The following DHRSX variants were observed in gnomAD, a reference collection of about 807,000 sequenced individuals.
DHRSX encodes polyprenol dehydrogenase.
DHRSX carries 31 observed loss-of-function variants against 34.0 expected under a neutral mutation model. The ratio of observed to expected loss-of-function variants is 0.91; its 90% CI spans 0.69 to 1.23. The LOEUF (loss-of-function observed/expected upper bound fraction) is 1.23. Ranked by LOEUF, DHRSX falls within the 50% of genes most tolerant of loss-of-function variation. DHRSX has a pLI of 0.00. For missense variants in DHRSX, 414 were observed against 428.1 expected (o/e 0.97, Z 0.29); for synonymous variants, 201 against 183.8 (o/e 1.09, Z -0.76).
intron 2 of DHRSX, among the ~76,000 whole-genome samples, chrX:2,423,472 A>G (rs2043806692): frequency 6.6e-6 from 1 of 152,090 alleles, no homozygotes; most frequent in Non-Finnish European, 1.5e-5. Context: ...CACGCCTGTC[A>G]TATCAGCGAC....
At chrX:2,299,063 A>C (rs1225085973) in intron 3 of DHRSX, among the ~76,000 whole-genome samples, 1 of 151,808 alleles carries the variant, frequency 6.6e-6, no homozygotes, top group Non-Finnish European at 1.5e-5. Flanking sequence ...CGACAAATCC[A>C]GCTGCCTTTT....
At chrX:2,352,544 T>A (rs1168011272) in intron 3 of DHRSX, among the ~76,000 whole-genome samples, 3 of 152,150 alleles carry the variant, frequency 2.0e-5, no homozygotes, top group Non-Finnish European at 4.4e-5. Flanking sequence ...GTGAAGTTCT[T>A]CAGACATGCA....
chrX:2,357,701 A>G (rs893809019), intron 3 of DHRSX, among the ~76,000 whole-genome samples: 2 of 61,858 alleles, frequency 3.2e-5, no homozygotes, highest in South Asian at 8.1e-4. Flanking sequence ...TCAGGAAATT[A>G]AAAAAAAAAA....
In DHRSX at chrX:2,383,804, C is replaced by G. The variant is rs756230423; in HGVS notation, c.286+24941G>C. Among the ~76,000 whole-genome samples the G allele has an allele frequency of 2.0e-5, 3 of 152,318 alleles. No individual in the cohort carries two copies. The East Asian group carries it at 5.8e-4, about 29-fold the overall frequency. ...ACCTGGCTTCAGGACAACTGCTTTA[C>G]AGCATGCTATAAAAGCTGAGAAGAC... is the stretch of plus-strand genomic sequence containing the variant. On this transcript the variant is annotated intron_variant, in intron 3 of 6. Coordinates refer to ENST00000334651, the MANE Select transcript of DHRSX (RefSeq NM_145177.3).
intron 1 of DHRSX, among the ~76,000 whole-genome samples, chrX:2,447,019 G>A (rs2044147270): frequency 6.6e-6 from 1 of 151,124 alleles, no homozygotes. Context: ...TAGGCATGAG[G>A]CCAAGGGACC....
At position 2,402,708 on chromosome X, in the gene DHRSX, A is replaced by T. The variant is rs1161154238; in HGVS notation, c.286+6037T>A. ...TCAGATTTTAAACTTTTTTCTTTTAAAAAAAAAAATTGCATGCACACATAG... is the reference window on the plus strand; with the variant it reads ...TCAGATTTTAAACTTTTTTCTTTTATAAAAAAAAATTGCATGCACACATAG... On this transcript the variant is annotated intron_variant, in intron 3 of 6. Coordinates refer to ENST00000334651, the MANE Select transcript of DHRSX (RefSeq NM_145177.3). Among the ~76,000 whole-genome samples the T allele has an allele frequency of 2.4e-4, 19 of 78,010 alleles. No individual in the cohort carries two copies. The South Asian group carries it at 8.4e-3, about 35-fold the overall frequency. 51.2% of individuals were successfully genotyped at this position (78,010 alleles called of 152,430 possible).
chrX:2,497,584 C>T (rs1029083816), intron 1 of DHRSX, among the ~76,000 whole-genome samples: 2 of 152,068 alleles, frequency 1.3e-5, no homozygotes, highest in African/African-American at 4.8e-5. Context: ...TTTGTAAATA[C>T]TCACTCCTGT....
intron 4 of DHRSX, among the ~76,000 whole-genome samples, chrX:2,284,245 T>A (rs2041775502): frequency 6.6e-6 from 1 of 152,238 alleles, no homozygotes; most frequent in African/African-American, 2.4e-5. Context: ...TGTTCATTCA[T>A]TAGAATTCAT....
chrX:2,356,970 G>C (rs1348315579), intron 3 of DHRSX, among the ~76,000 whole-genome samples: 2 of 152,108 alleles, frequency 1.3e-5, no homozygotes, highest in African/African-American at 4.8e-5. Flanking sequence ...TGGGCCAGGC[G>C]TAGGGGCTCA....
chrX:2,318,521 T>A (rs190010861), intron 3 of DHRSX, among the ~76,000 whole-genome samples: 15 of 148,544 alleles, frequency 1.0e-4, no homozygotes, highest in African/African-American at 3.6e-4. Context: ...TGACCTCTGG[T>A]CTTCCTCACT....
chrX:2,320,460 A>T (rs1009850365), intron 3 of DHRSX, among the ~76,000 whole-genome samples: 7 of 145,080 alleles, frequency 4.8e-5, no homozygotes, highest in African/African-American at 1.8e-4. Context: ...ACACCTGGCT[A>T]ACTTTTTGTA....
chrX:2,349,274 G>A (rs1386932791), intron 3 of DHRSX, among the ~76,000 whole-genome samples: 2 of 152,032 alleles, frequency 1.3e-5, no homozygotes, highest in African/African-American at 4.8e-5. Flanking sequence ...AATGGATGAA[G>A]AAAATGCGGT....
chrX:2,259,413 G>GAT, intron 5 of DHRSX, among the ~76,000 whole-genome samples: 1 of 145,790 alleles, frequency 6.9e-6, no homozygotes, highest in Non-Finnish European at 1.5e-5. Flanking sequence ...TATAGATATA[G>GAT]ATATATACAA....
intron 1 of DHRSX, among the ~76,000 whole-genome samples, chrX:2,485,523 G>A (rs919414742): frequency 4.2e-5 from 6 of 142,306 alleles, no homozygotes; most frequent in Non-Finnish European, 9.2e-5. Context: ...GAAAACGAAA[G>A]AGGAAGGGAG....
chrX:2,244,896 G>A (rs1381625487), intron 5 of DHRSX, among the ~76,000 whole-genome samples: 2 of 151,770 alleles, frequency 1.3e-5, no homozygotes, highest in Non-Finnish European at 2.9e-5. Flanking sequence ...ATTTTTAGTA[G>A]AGACGAGGTT....
chrX:2,330,383 G>A (rs2042450640), intron 3 of DHRSX, among the ~76,000 whole-genome samples: 1 of 151,486 alleles, frequency 6.6e-6, no homozygotes, highest in Admixed American at 6.6e-5. Context: ...TAGCTGGGCA[G>A]GGTGGTGCAT....
At chrX:2,414,390 A>T (rs2043668580) in intron 2 of DHRSX, among the ~76,000 whole-genome samples, 1 of 151,626 alleles carries the variant, frequency 6.6e-6, no homozygotes, top group Non-Finnish European at 1.5e-5. Context: ...ACCTCATCAC[A>T]ACCTTATCCA....
intron 3 of DHRSX, among the ~76,000 whole-genome samples, chrX:2,353,578 G>A (rs2042812945): frequency 7.1e-6 from 1 of 139,946 alleles, no homozygotes; most frequent in Non-Finnish European, 1.6e-5. Flanking sequence ...GATTATAGCT[G>A]ATTGCATTTT....
intron 6 of DHRSX, among the ~76,000 whole-genome samples, chrX:2,225,483 C>T (rs2015636802): frequency 6.6e-6 from 1 of 152,220 alleles, no homozygotes; most frequent in African/African-American, 2.4e-5. Flanking sequence ...TGCACACACT[C>T]ATACACATGC....
Sources: gnomAD v4.1 joint callset for allele counts (sites outside exome capture counted in the v4.1 genomes callset) on GRCh38, gnomAD v4.1.1 for gene constraint, MANE v1.5 for transcripts, NCBI Gene and HGNC (gene_info 2026-07-23, HGNC 2026-07-21) for gene names.